RHOBTB1: variants seen among roughly 807,000 people sequenced by gnomAD.
The protein encoded by RHOBTB1 is Rho related BTB domain containing 1.
A neutral mutation model predicts 71.6 loss-of-function variants in RHOBTB1; 40 were observed. The ratio of observed to expected loss-of-function variants is 0.56; its 90% CI spans 0.43 to 0.73. RHOBTB1 has a LOEUF of 0.73. Among genes scored for constraint, RHOBTB1 ranks in the 30% least tolerant of loss-of-function variants. The pLI is 0.00. For missense variants in RHOBTB1, 797 were observed against 894.0 expected (o/e 0.89, Z 1.38); for synonymous variants, 319 against 334.9 (o/e 0.95, Z 0.52).
downstream of RHOBTB1, chr10:60,869,433 A>C (rs1011223141): frequency 6.6e-6 from 1 of 152,658 alleles, no homozygotes; most frequent in Non-Finnish European, 1.5e-5. Context: ...ACAAAACTGG[A>C]GGCATTTTAT....
intron 2 of RHOBTB1, among the ~76,000 whole-genome samples, chr10:60,974,276 C>T (rs949801511): frequency 2.0e-5 from 3 of 151,820 alleles, no homozygotes; most frequent in East Asian, 1.9e-4. Context: ...ATTGACAAAA[C>T]GTAATAATGG....
chr10:60,997,919 G>T (rs1430869206), intron 1 of RHOBTB1, among the ~76,000 whole-genome samples: 1 of 152,182 alleles, frequency 6.6e-6, no homozygotes, highest in Non-Finnish European at 1.5e-5. Flanking sequence ...TGAAAAGAAT[G>T]CTGTTTATAA....
rs142844286 is a variant in RHOBTB1, at chr10:60,889,123, C to A, written c.545G>T (p.Gly182Val). 66 of 1,614,086 alleles carry A rather than the reference C, an allele frequency of 4.1e-5. No individual in the cohort carries two copies. The African/African-American group carries it at 6.3e-4, about 15-fold the overall frequency. Reference sequence around the variant, plus strand: ...CACGCTTGTTTCATAGTATGGTAAGCCAAGTTCCTTTGCTACCTCTCGGCC... The same window carrying A: ...CACGCTTGTTTCATAGTATGGTAAGACAAGTTCCTTTGCTACCTCTCGGCC... ...EKGREVAKEL[G>V]LPYYETSVFD... The change falls in exon 6 of 11, where the codon GGC becomes GTC. Residue 182 changes from glycine to valine, a missense_variant. Physicochemically the swap from Gly to Val is moderately radical, Grantham distance 109. Around this residue, in one of 2 missense-constraint regions of RHOBTB1, gnomAD observed 658 missense variants for 681.5 expected, o/e 0.97. Transcript: ENST00000337910.
intron 4 of RHOBTB1, among the ~76,000 whole-genome samples, chr10:60,906,925 C>T (rs139610947): frequency 3.6e-4 from 55 of 152,336 alleles, no homozygotes; most frequent in Admixed American, 1.0e-3. Flanking sequence ...TCTCACATGT[C>T]GTGATGTCGT....
intron 5 of RHOBTB1, 110 bp downstream of exon 5, chr10:60,892,700 T>C: frequency 1.1e-6 from 1 of 924,246 alleles, no homozygotes; most frequent in Admixed American, 3.1e-5. Flanking sequence ...CCATGGCTGA[T>C]TGATGGGATC....
At chr10:60,886,717 T>TG (rs1554831347) in intron 6 of RHOBTB1, among the ~76,000 whole-genome samples, 3,029 of 136,824 alleles carry the variant, frequency 0.022, 44 homozygotes, top group Middle Eastern at 0.043. Context: ...TTAAGAGATG[T>TG]GGGGGGGGGT....
At chr10:60,990,618 C>G (rs373152383) in intron 1 of RHOBTB1, among the ~76,000 whole-genome samples, 5 of 152,134 alleles carry the variant, frequency 3.3e-5, no homozygotes, top group African/African-American at 9.7e-5. Flanking sequence ...TTCCTAGAAC[C>G]CTTGCTCCTC....
At chr10:60,985,142 T>C (rs1184458927) in intron 2 of RHOBTB1, among the ~76,000 whole-genome samples, 2 of 152,212 alleles carry the variant, frequency 1.3e-5, no homozygotes, top group African/African-American at 4.8e-5. Context: ...AGAGTTTTCC[T>C]TTTAAATATG....
chr10:60,953,434 G>A (rs1351409578), intron 2 of RHOBTB1, among the ~76,000 whole-genome samples: 2 of 152,158 alleles, frequency 1.3e-5, no homozygotes, highest in Admixed American at 1.3e-4. Flanking sequence ...TGTGTGGAAT[G>A]AATACCAAAT....
rs781178596 is a variant in RHOBTB1, at chr10:60,888,945, C to A, written c.723G>T (p.Pro241=). Residue 241 remains proline, a synonymous_variant, in exon 6 of 11, where the codon CCG becomes CCT. Coordinates refer to ENST00000337910, the MANE Select transcript of RHOBTB1 (RefSeq NM_014836.5). ...APFLPPKAPP[P]VIKIPECPSM... is the part of the protein sequence containing the mutation. Reference sequence around the variant, plus strand: ...AAGGACACTCTGGAATTTTGATGACCGGTGGAGGGGCTTTTGGAGGTAGGA... The same window carrying A: ...AAGGACACTCTGGAATTTTGATGACAGGTGGAGGGGCTTTTGGAGGTAGGA... 1 of 1,614,044 alleles carries A rather than the reference C, an allele frequency of 6.2e-7. No individual in the cohort carries two copies. The highest frequency in any genetic ancestry group is 8.5e-7 in the Non-Finnish European group (1 of 1,179,998).
At chr10:60,971,836 A>T (rs2086169317) in intron 2 of RHOBTB1, among the ~76,000 whole-genome samples, 2 of 152,182 alleles carry the variant, frequency 1.3e-5, no homozygotes, top group African/African-American at 4.8e-5. Context: ...AAGAACTTAA[A>T]CAAATTTACA....
intron 2 of RHOBTB1, among the ~76,000 whole-genome samples, chr10:60,913,813 C>T (rs10821857): frequency 0.16 from 23,922 of 152,136 alleles, 2,136 homozygotes; most frequent in African/African-American, 0.23. Flanking sequence ...AGTCATTGGA[C>T]TTTGGGCAAG....
chr10:60,966,144 T>G lies in RHOBTB1; in HGVS notation c.-62+19701A>C, dbSNP rs141798179. Among the ~76,000 whole-genome samples, 339 of 152,174 alleles carry G rather than the reference T, an allele frequency of 2.2e-3. 3 individuals carry two copies. The highest frequency in any genetic ancestry group is 8.6e-3 in the Admixed American group (131 of 15,274). Reference sequence around the variant, plus strand: ...GAAAGGAATAATGTCTTGAAAAGATTGAGATGTTTGCAAAAATTCTAAACA... The same window carrying G: ...GAAAGGAATAATGTCTTGAAAAGATGGAGATGTTTGCAAAAATTCTAAACA... On this transcript the variant is annotated intron_variant, in intron 2 of 11. Coordinates refer to the RHOBTB1 transcript ENST00000357917.
At chr10:60,996,020 G>A (rs2087035969) in intron 1 of RHOBTB1, among the ~76,000 whole-genome samples, 1 of 152,132 alleles carries the variant, frequency 6.6e-6, no homozygotes, top group Non-Finnish European at 1.5e-5. Flanking sequence ...AACCCCATTA[G>A]TAGCTTCTAT....
chr10:61,000,798 C>G (rs1354675758), intron 1 of RHOBTB1, among the ~76,000 whole-genome samples: 1 of 152,132 alleles, frequency 6.6e-6, no homozygotes, highest in Non-Finnish European at 1.5e-5. Flanking sequence ...CATAGCAGGG[C>G]AAAGCAAGCC....
intron 4 of RHOBTB1, among the ~76,000 whole-genome samples, chr10:60,899,233 C>T (rs1371457421): frequency 6.6e-6 from 1 of 152,204 alleles, no homozygotes; most frequent in Non-Finnish European, 1.5e-5. Flanking sequence ...CTTAAACAGT[C>T]CTACTTAACT....
intron 2 of RHOBTB1, among the ~76,000 whole-genome samples, chr10:60,915,255 G>T (rs1027296982): frequency 6.6e-6 from 1 of 152,106 alleles, no homozygotes; most frequent in African/African-American, 2.4e-5. Context: ...CATTCTGATG[G>T]TTGAGTGTAC....
At chr10:60,961,698 T>C (rs2085783265) in intron 2 of RHOBTB1, among the ~76,000 whole-genome samples, 1 of 152,194 alleles carries the variant, frequency 6.6e-6, no homozygotes, top group Non-Finnish European at 1.5e-5. Flanking sequence ...AATGCATTGC[T>C]GTATATATGA....
chr10:60,933,532 C>T (rs1288976682), intron 2 of RHOBTB1, among the ~76,000 whole-genome samples: 1 of 151,954 alleles, frequency 6.6e-6, no homozygotes. Context: ...CCAGCCTGGC[C>T]AACATAGTGA....
Sources: allele counts gnomAD v4.1 joint callset (sites outside exome capture counted in the v4.1 genomes callset), GRCh38; gene constraint gnomAD v4.1.1; regional missense constraint gnomAD v4.1.1; transcripts MANE v1.5; gene names NCBI Gene and HGNC (gene_info 2026-07-23, HGNC 2026-07-21).